SEMA6D: variants seen among roughly 807,000 people sequenced by gnomAD.
The protein encoded by SEMA6D is semaphorin 6D.
A neutral mutation model predicts 106.6 loss-of-function variants in SEMA6D; 35 were observed. The ratio of observed to expected loss-of-function variants is 0.33; its 90% CI spans 0.25 to 0.44. The LOEUF is 0.44. Ranked by LOEUF, SEMA6D falls within the 20% of genes least tolerant of loss-of-function variation. The probability of loss-of-function intolerance (pLI) is 1.00; values close to 1 mark genes in which losing one functional copy is unlikely to be tolerated. For missense variants in SEMA6D, 1,185 were observed against 1,345.9 expected (o/e 0.88, Z 1.87); for synonymous variants, 499 against 487.7 (o/e 1.02, Z -0.31).
In SEMA6D at chr15:47,755,505, ATGT is replaced by A. The variant is rs2081668242; in HGVS notation, c.-54-4238_-54-4236del. ...TGTAAATAATTGTAGTCTCTGGATGATGTTATCTTTTTCTAAAGAAGTGTAATC... is the reference window on the plus strand; with the variant it reads ...TGTAAATAATTGTAGTCTCTGGATGATATCTTTTTCTAAAGAAGTGTAATC... On this transcript the variant is annotated intron_variant, in intron 1 of 18. Coordinates refer to ENST00000536845, the MANE Select transcript of SEMA6D (RefSeq NM_001358351.3). Among the ~76,000 whole-genome samples, 2 of 152,112 alleles carry A rather than the reference ATGT, an allele frequency of 1.3e-5. 1 individual carries two copies. Among genetic ancestry groups the A allele is most frequent in the South Asian group, 4.1e-4 (2 of 4,822 alleles).
At chr15:47,282,615 A>G (rs1270091579) in intron 1 of SEMA6D, among the ~76,000 whole-genome samples, 1 of 152,108 alleles carries the variant, frequency 6.6e-6, no homozygotes, top group African/African-American at 2.4e-5. Flanking sequence ...TAGTATTTTT[A>G]AAATGTCTGT....
intron 1 of SEMA6D, among the ~76,000 whole-genome samples, chr15:47,358,080 C>T (rs569651795): frequency 6.6e-6 from 1 of 152,182 alleles, no homozygotes; most frequent in Non-Finnish European, 1.5e-5. Context: ...TCTCAGAGCC[C>T]TAGAGTTTAT....
At chr15:47,208,553 C>T (rs1030183458) in intron 1 of SEMA6D, among the ~76,000 whole-genome samples, 2 of 152,142 alleles carry the variant, frequency 1.3e-5, no homozygotes, top group African/African-American at 4.8e-5. Context: ...TACTGCTATA[C>T]ATTCTATTGC....
Position 47,431,632 on chromosome 15 carries a change from G to A in SEMA6D, c.-159+19160G>A, listed in dbSNP as rs948376927. On this transcript the variant is annotated intron_variant, in intron 2 of 19. Transcript: ENST00000558014. The stretch of plus-strand genomic sequence containing the variant: ...CTATGGACAGCAGGAACACTGTTTG[G>A]TCATTGGCCCTTGAGGTCTAGCATG... Among the ~76,000 whole-genome samples, 4 of 152,114 alleles carry A rather than the reference G, an allele frequency of 2.6e-5. No individual in the cohort carries two copies. The South Asian group carries it at 8.3e-4, about 32-fold the overall frequency.
chr15:47,511,577 C>T (rs1302572161), intron 3 of SEMA6D, among the ~76,000 whole-genome samples: 1 of 152,188 alleles, frequency 6.6e-6, no homozygotes, highest in African/African-American at 2.4e-5. Flanking sequence ...TCCCTTCCCT[C>T]CTCCATAGAG....
intron 1 of SEMA6D, among the ~76,000 whole-genome samples, chr15:47,244,082 T>C (rs1451984697): frequency 1.3e-5 from 2 of 152,114 alleles, no homozygotes; most frequent in Admixed American, 6.6e-5. Context: ...TTAGACAGCA[T>C]ATTTGAATGA....
intron 3 of SEMA6D, among the ~76,000 whole-genome samples, chr15:47,552,905 T>TATATATATATATATAA (rs1483274186): frequency 0.18 from 17,118 of 94,582 alleles, 3,472 homozygotes; most frequent in Non-Finnish European, 0.25. Context: ...TATATATATA[T>TATATATATATATATAA]AAATATATAT....
chr15:47,579,327 A>C (rs1312068033), intron 3 of SEMA6D, among the ~76,000 whole-genome samples: 3 of 152,002 alleles, frequency 2.0e-5, no homozygotes, highest in African/African-American at 7.3e-5. Context: ...TTTTTAGTAG[A>C]GACGGGGTTT....
intron 1 of SEMA6D, among the ~76,000 whole-genome samples, chr15:47,400,586 A>G (rs1178192315): frequency 6.6e-6 from 1 of 152,108 alleles, no homozygotes; most frequent in Non-Finnish European, 1.5e-5. Flanking sequence ...GGAAGCTGAC[A>G]TTTATAAGGA....
rs975959205 is a variant in SEMA6D at position 47,357,581 on chromosome 15, C to T, written c.-238-54812C>T. On this transcript the variant is annotated intron_variant, in intron 1 of 19. Transcript: ENST00000558014. ...GTTCGAGGGCAGGAAACATCCAGCA[C>T]GGGAGAAAGGTGTAGGATGGGGAGC... Among the ~76,000 whole-genome samples the T allele has an allele frequency of 3.9e-5, 6 of 152,150 alleles. No homozygotes were observed. In the East Asian group the frequency reaches 7.8e-4, roughly 20 times the overall value.
intron 1 of SEMA6D, among the ~76,000 whole-genome samples, chr15:47,388,968 A>G (rs2039936535): frequency 6.6e-6 from 1 of 152,214 alleles, no homozygotes; most frequent in South Asian, 2.1e-4. Context: ...CATCAGATAC[A>G]AATCTGCCAT....
intron 3 of SEMA6D, among the ~76,000 whole-genome samples, chr15:47,550,718 A>G (rs2045660633): frequency 6.6e-6 from 1 of 152,134 alleles, no homozygotes; most frequent in Non-Finnish European, 1.5e-5. Context: ...TCCAAGCTCA[A>G]GTAATCCTCA....
chr15:47,301,000 C>T (rs906539373), intron 1 of SEMA6D, among the ~76,000 whole-genome samples: 1 of 152,166 alleles, frequency 6.6e-6, no homozygotes, highest in African/African-American at 2.4e-5. Context: ...CTTGCTTCCT[C>T]CATGGAAAAA....
intron 4 of SEMA6D, among the ~76,000 whole-genome samples, chr15:47,646,206 A>G (rs1420146971): frequency 6.6e-6 from 1 of 152,140 alleles, no homozygotes; most frequent in Admixed American, 6.5e-5. Flanking sequence ...TCCTGAAGCT[A>G]TCTAGGGACT....
chr15:47,506,894 CAT>C (rs1306852523), intron 3 of SEMA6D, among the ~76,000 whole-genome samples: 1 of 152,220 alleles, frequency 6.6e-6, no homozygotes, highest in Non-Finnish European at 1.5e-5. Context: ...TAGCTACACT[CAT>C]CCTCTAATCC....
chr15:47,378,209 T>C (rs2039515569), intron 1 of SEMA6D, among the ~76,000 whole-genome samples: 1 of 152,196 alleles, frequency 6.6e-6, no homozygotes, highest in South Asian at 2.1e-4. Flanking sequence ...ATGTTGAAGA[T>C]TGAAAGGCCA....
chr15:47,696,488 C>T (rs1393438594), intron 4 of SEMA6D, among the ~76,000 whole-genome samples: 7 of 152,224 alleles, frequency 4.6e-5, no homozygotes, highest in African/African-American at 1.7e-4. Flanking sequence ...GAGAGAGGGC[C>T]CCTCCATGGT....
chr15:47,606,144 A>G lies in SEMA6D; in HGVS notation c.-55+5248A>G, dbSNP rs564681299. 49 of 152,240 alleles carry G rather than the reference A, an allele frequency of 3.2e-4. 1 individual carries two copies. The highest frequency in any genetic ancestry group is 9.9e-4 in the African/African-American group (41 of 41,554). 9.4% of individuals were successfully genotyped at this position (152,240 alleles called of 1,614,324 possible). ...TAGAGACAGAGGGGTGGTGCAGGGT[A>G]GATTTAATTTACATAGTAGCAACTC... On this transcript the variant is annotated intron_variant, in intron 4 of 19. Transcript: ENST00000558014.
intron 1 of SEMA6D, among the ~76,000 whole-genome samples, chr15:47,400,021 A>G (rs2040345950): frequency 6.6e-6 from 1 of 152,186 alleles, no homozygotes; most frequent in Admixed American, 6.5e-5. Context: ...TTTGTTTTGA[A>G]TAATTTTATT....
Sources: gnomAD v4.1 joint callset for allele counts (sites outside exome capture counted in the v4.1 genomes callset) on GRCh38, gnomAD v4.1.1 for gene constraint, MANE v1.5 for transcripts, NCBI Gene and HGNC (gene_info 2026-07-23, HGNC 2026-07-21) for gene names.